The following TDRD9 variants were observed in gnomAD, a reference collection of about 807,000 sequenced individuals.
The protein encoded by TDRD9 is tudor domain containing 9, also known as ATP-dependent RNA helicase TDRD9.
A neutral mutation model predicts 172.6 loss-of-function variants in TDRD9; 124 were observed. The observed-to-expected ratio is 0.72, with a 90% CI of 0.62 to 0.83. The LOEUF (loss-of-function observed/expected upper bound fraction) is 0.83, where lower values mean the gene tolerates loss of function less well. TDRD9 is among the 40% of genes least tolerant of loss of function. TDRD9 has a pLI of 0.00. For missense variants in TDRD9, 1,479 were observed against 1,714.1 expected, an observed-to-expected ratio of 0.86 and a Z score of 2.42; for synonymous variants, 619 against 617.1, an observed-to-expected ratio of 1.00 and a Z score of -0.05.
chr14:103,934,507 G>C (rs971785620), intron 1 of TDRD9, among the ~76,000 whole-genome samples: 3 of 152,194 alleles, frequency 2.0e-5, no homozygotes, highest in Non-Finnish European at 4.4e-5. Flanking sequence ...AGCCGAGCAC[G>C]GTGGCTCATG....
intron 1 of TDRD9, among the ~76,000 whole-genome samples, chr14:103,946,096 G>T (rs2031543898): frequency 6.6e-6 from 1 of 151,970 alleles, no homozygotes; most frequent in South Asian, 2.1e-4. Flanking sequence ...CTCTCAAGTA[G>T]CTGGGACTAT....
intron 9 of TDRD9, 111 bp downstream of exon 9, chr14:103,991,335 T>C (rs577075906): frequency 2.7e-6 from 3 of 1,128,296 alleles, no homozygotes; most frequent in East Asian, 2.6e-5. Context: ...CTTTATTCTT[T>C]TTACACTTTG....
chr14:103,932,051 GA>G (rs1485031374), intron 1 of TDRD9, among the ~76,000 whole-genome samples: 1 of 152,198 alleles, frequency 6.6e-6, no homozygotes, highest in Non-Finnish European at 1.5e-5. Flanking sequence ...CCAACAACCT[GA>G]ATGCACTGCC....
intron 23 of TDRD9, among the ~76,000 whole-genome samples, chr14:104,019,304 G>T (rs950053956): frequency 6.6e-6 from 1 of 152,056 alleles, no homozygotes; most frequent in Non-Finnish European, 1.5e-5. Flanking sequence ...TTTACAACTG[G>T]ATTGGGTTCT....
Position 103,955,825 on chromosome 14 carries a change from A to G in TDRD9, c.322+55A>G, listed in dbSNP as rs377115763. 7.2e-5 allele frequency: 102 copies of G among 1,410,638 alleles called. 1 individual carries two copies. The highest frequency in any genetic ancestry group is 5.0e-4 in the East Asian group (20 of 39,636). The allele number at this position is 1,410,638 out of a possible 1,614,324, so 87.4% of individuals were successfully genotyped here. A position where few individuals can be genotyped will look rare whatever the true frequency, so the allele number is the denominator to read the frequency against. On this transcript the variant is annotated intron_variant, in intron 2 of 35. Transcript: ENST00000409874. Reference sequence around the variant, plus strand: ...AGGATGCATGAGTGGTTCACATGCTAAAATATTAGGTTCATAGTGCATGCC... The same window carrying G: ...AGGATGCATGAGTGGTTCACATGCTGAAATATTAGGTTCATAGTGCATGCC...
chr14:104,037,394 C>G lies in TDRD9; in HGVS notation c.3716+2338C>G, dbSNP rs981074584. ...CTGCACTAGAGGCTGTCCTGGCCCC[C>G]CTTGTTAAACGCGAAGCTTGCAGTC... is the stretch of plus-strand genomic sequence containing the variant. On this transcript the variant is annotated intron_variant, in intron 32 of 35. Transcript: ENST00000409874. Among the ~76,000 whole-genome samples, 3 of 152,184 alleles carry G rather than the reference C, an allele frequency of 2.0e-5. No homozygotes were observed. The East Asian group carries it at 5.8e-4, about 29-fold the overall frequency.
At chr14:103,955,259 A>C (rs1025515418) in intron 1 of TDRD9, among the ~76,000 whole-genome samples, 5 of 152,160 alleles carry the variant, frequency 3.3e-5, no homozygotes, top group Non-Finnish European at 7.3e-5. Flanking sequence ...TCAGCTACTC[A>C]GGAGGTTGAG....
At chr14:103,929,888 G>A (rs988635747) in intron 1 of TDRD9, among the ~76,000 whole-genome samples, 3 of 152,348 alleles carry the variant, frequency 2.0e-5, no homozygotes, top group East Asian at 1.9e-4. Flanking sequence ...ATACCAAGGA[G>A]TGCAAATGCT....
intron 13 of TDRD9, 47 bp downstream of exon 13, chr14:103,998,775 G>A: frequency 1.0e-6 from 1 of 952,546 alleles, no homozygotes; most frequent in Non-Finnish European, 1.7e-6. Flanking sequence ...TGGTGACACA[G>A]TGGCACATTC....
chr14:103,962,914 G>A (rs1375543251), intron 2 of TDRD9, among the ~76,000 whole-genome samples, 165 bp from the exon 3 acceptor site: 3 of 151,390 alleles, frequency 2.0e-5, no homozygotes, highest in African/African-American at 7.3e-5. Context: ...CATGTCTTTG[G>A]TATTGCCCTG....
rs960239790 is a variant in TDRD9 at position 103,962,687 on chromosome 14, C to G, written c.323-392C>G. ...TGTCTGTTATTCCCATCTTTATGTT[C>G]GTGTGTACCCAAGGTTTAGCTCCCA... On this transcript the variant is annotated intron_variant, in intron 2 of 35. Transcript: ENST00000409874. Among the ~76,000 whole-genome samples the G allele has an allele frequency of 2.4e-4, 37 of 152,058 alleles. 1 individual carries two copies. Among genetic ancestry groups the G allele is most frequent in the Admixed American group, 7.2e-4 (11 of 15,244 alleles).
At position 103,975,666 on chromosome 14, in the gene TDRD9, T is replaced by G. The variant is rs1214356909; in HGVS notation, c.1011+113T>G. On this transcript the variant is annotated intron_variant, in intron 7 of 35. Coordinates refer to ENST00000409874, the MANE Select transcript of TDRD9 (RefSeq NM_153046.3). Reference sequence around the variant, plus strand: ...TGCGAGAAAATTATTATTTTAAAATTGATGCATACTAAGTGTACATATTTA... The same window carrying G: ...TGCGAGAAAATTATTATTTTAAAATGGATGCATACTAAGTGTACATATTTA... 1.4e-5 allele frequency: 14 copies of G among 1,025,402 alleles called. No individual in the cohort carries two copies. In the East Asian group the frequency reaches 3.7e-4, roughly 27 times the overall value. The allele number at this position is 1,025,402 out of a possible 1,614,324, so 63.5% of individuals were successfully genotyped here.
intron 32 of TDRD9, among the ~76,000 whole-genome samples, chr14:104,037,266 G>A (rs888091153): frequency 3.3e-5 from 5 of 152,172 alleles, no homozygotes; most frequent in African/African-American, 2.4e-5. Context: ...CCTGCGAGCC[G>A]CTGCCCCGCC....
intron 2 of TDRD9, among the ~76,000 whole-genome samples, chr14:103,962,431 C>T (rs1237827516): frequency 6.6e-6 from 1 of 152,162 alleles, no homozygotes; most frequent in Non-Finnish European, 1.5e-5. Context: ...AGAATGTTCT[C>T]AGTTTGCTTT....
At position 103,970,602 on chromosome 14, in the gene TDRD9, C is replaced by G; in HGVS notation, c.827C>G (p.Thr276Arg). ...LLLVVRKLLR[T>R]NSRFVKVVLM... is the part of the protein sequence containing the mutation. The stretch of plus-strand genomic sequence containing the variant: ...TTGGTAGTCCGCAAACTCTTAAGAA[C>G]AAATTCACGTTTTGTGAAGGTAAAT... The change falls in exon 6 of 36, where the codon ACA becomes AGA. Residue 276 changes from threonine (T) to arginine (R), a missense_variant. By Grantham distance (71) the Thr-to-Arg change is moderately conservative (BLOSUM62 -1). Around this residue, in one of 3 missense-constraint regions of TDRD9, gnomAD observed 1,413 missense variants for 1,649.1 expected, o/e 0.86. Coordinates refer to ENST00000409874, the MANE Select transcript of TDRD9 (RefSeq NM_153046.3). 6.4e-7 allele frequency: 1 copy of G among 1,550,918 alleles called. No homozygotes were observed. The highest frequency in any genetic ancestry group is 8.7e-7 in the Non-Finnish European group (1 of 1,146,300).
rs373438687 is a variant in TDRD9 at position 104,031,204 on chromosome 14, C to T, written c.3379C>T (p.Leu1127Phe). ...TCCCATGAAAGACGACGAGAAATAT[C>T]TCATCCGGATTTTGTTAGAGAGCTT... is the stretch of plus-strand genomic sequence containing the variant. The part of the protein sequence containing the change: ...PFPMKDDEKY[L>F]IRILLESFST... The change falls in exon 29 of 36, where the codon CTC becomes TTC. Residue 1127 changes from leucine (L) to phenylalanine (F), a missense_variant. Leu to Phe is a conservative substitution (Grantham distance 22). Transcript: ENST00000409874. The T allele has an allele frequency of 2.6e-6, 4 of 1,551,746 alleles. No homozygotes were observed. The highest frequency in any genetic ancestry group is 3.5e-6 in the Non-Finnish European group (4 of 1,147,002).
chr14:103,974,473 T>A (rs2033157294), intron 6 of TDRD9, among the ~76,000 whole-genome samples: 1 of 152,150 alleles, frequency 6.6e-6, no homozygotes, highest in African/African-American at 2.4e-5. Context: ...CAGTCAGTCA[T>A]CTTGCCCCAG....
At chr14:103,947,234 G>A (rs1232126600) in intron 1 of TDRD9, among the ~76,000 whole-genome samples, 1 of 152,052 alleles carries the variant, frequency 6.6e-6, no homozygotes, top group Non-Finnish European at 1.5e-5. Flanking sequence ...CACATACATG[G>A]TCAATAATTT....
At chr14:103,994,695 T>A in intron 11 of TDRD9, 92 bp downstream of exon 11, 1 of 1,045,234 alleles carries the variant, frequency 9.6e-7, no homozygotes, top group Non-Finnish European at 1.4e-6. Flanking sequence ...GTGTCGTGGC[T>A]CATGCGTGTG....
Sources: gnomAD v4.1 joint callset for allele counts (sites outside exome capture counted in the v4.1 genomes callset) on GRCh38, gnomAD v4.1.1 for gene constraint, gnomAD v4.1.1 regional missense constraint, MANE v1.5 for transcripts, NCBI Gene and HGNC (gene_info 2026-07-23, HGNC 2026-07-21) for gene names.